Variants in NCALD observed in about 807,000 individuals in gnomAD.
NCALD encodes the protein neurocalcin-delta.
In NCALD, 10 loss-of-function variants were observed where a neutral mutation model predicts 18.6. The ratio of observed to expected loss-of-function variants is 0.54; its 90% CI spans 0.33 to 0.91. The LOEUF is 0.91. Among genes scored for constraint, NCALD ranks in the 40% least tolerant of loss-of-function variants. The pLI is 0.03. For synonymous variants in NCALD, 88 were observed against 87.4 expected (o/e 1.01, Z -0.04); for missense variants, 184 against 247.6 (o/e 0.74, Z 1.72).
intron 4 of NCALD, among the ~76,000 whole-genome samples, chr8:101,809,610 G>C (rs1477353774): frequency 3.3e-5 from 5 of 152,168 alleles, no homozygotes; most frequent in Admixed American, 6.5e-5. Flanking sequence ...GCAGTGGCAT[G>C]ATCTCAGTTC....
At chr8:101,752,124 G>T (rs1190399391) in intron 1 of NCALD, among the ~76,000 whole-genome samples, 1 of 151,812 alleles carries the variant, frequency 6.6e-6, no homozygotes, top group Admixed American at 6.6e-5. Flanking sequence ...TCATTTTCTT[G>T]GTCTTCTAAA....
intron 4 of NCALD, among the ~76,000 whole-genome samples, chr8:101,845,591 TG>T (rs1297820543): frequency 1.3e-5 from 2 of 152,220 alleles, no homozygotes; most frequent in Non-Finnish European, 2.9e-5. Flanking sequence ...GGTAATATTT[TG>T]ATACAGGCAT....
chr8:101,819,032 C>G (rs1001938919), intron 4 of NCALD, among the ~76,000 whole-genome samples: 4 of 151,882 alleles, frequency 2.6e-5, no homozygotes, highest in Non-Finnish European at 1.5e-5. Flanking sequence ...TAAAAATAAG[C>G]ATCTTTATAC....
At chr8:101,780,229 G>T (rs1811955819) in intron 1 of NCALD, among the ~76,000 whole-genome samples, 1 of 152,136 alleles carries the variant, frequency 6.6e-6, no homozygotes, top group South Asian at 2.1e-4. Context: ...AGGTTGAATG[G>T]CTGGTTAGTT....
At chr8:101,967,680 G>A (rs1295384028) in intron 2 of NCALD, among the ~76,000 whole-genome samples, 2 of 152,096 alleles carry the variant, frequency 1.3e-5, no homozygotes, top group East Asian at 3.9e-4. Flanking sequence ...GGTTATCAAT[G>A]CCAGCAAGAG....
chr8:102,080,406 A>C (rs935869450), intron 1 of NCALD, among the ~76,000 whole-genome samples: 2 of 152,196 alleles, frequency 1.3e-5, no homozygotes, highest in Admixed American at 1.3e-4. Context: ...AGATAGCACA[A>C]AGGGAGCGGG....
intron 1 of NCALD, among the ~76,000 whole-genome samples, chr8:101,776,640 G>C (rs1441901821): frequency 1.3e-5 from 2 of 152,052 alleles, no homozygotes; most frequent in Non-Finnish European, 2.9e-5. Context: ...CAGGCAACAG[G>C]GGCCCAAGGA....
intron 1 of NCALD, among the ~76,000 whole-genome samples, chr8:101,754,440 T>A (rs370294526): frequency 1.3e-5 from 2 of 152,134 alleles, no homozygotes; most frequent in Non-Finnish European, 2.9e-5. Context: ...AAGTCCAAGA[T>A]GAAGGTGGCA....
chr8:101,959,059 A>C (rs550780105), intron 2 of NCALD, among the ~76,000 whole-genome samples: 2 of 152,142 alleles, frequency 1.3e-5, no homozygotes, highest in Non-Finnish European at 2.9e-5. Flanking sequence ...GACCCCATTT[A>C]TGTTCATCCA....
rs1334560860 is a variant in NCALD at position 101,689,477 on chromosome 8, C to T, written c.485-71G>A. On this transcript the variant is annotated intron_variant, in intron 3 of 3. Coordinates refer to ENST00000220931, the MANE Select transcript of NCALD (RefSeq NM_032041.3). The surrounding 1 kb of genome is among the most constrained non-coding windows in gnomAD (Gnocchi z 4.4). ...TGAGCTTACACCCTTCCCACTACTG[C>T]GTGCTGGGCAGTGTCGATTCACCTG... 34 of 1,213,766 alleles carry T rather than the reference C, an allele frequency of 2.8e-5. 1 individual carries two copies. The highest frequency in any genetic ancestry group is 6.0e-5 in the African/African-American group (4 of 66,424). 75.2% of individuals were successfully genotyped at this position (1,213,766 alleles called of 1,614,324 possible). A position where few individuals can be genotyped will look rare whatever the true frequency, so the allele number is the denominator to read the frequency against.
chr8:101,875,954 A>C (rs1452528055), intron 4 of NCALD, among the ~76,000 whole-genome samples: 1 of 152,208 alleles, frequency 6.6e-6, no homozygotes. Context: ...TATTGTTTTT[A>C]TGAGAGAAGC....
At chr8:102,005,095 C>T (rs1040189450) in intron 2 of NCALD, among the ~76,000 whole-genome samples, 1 of 152,090 alleles carries the variant, frequency 6.6e-6, no homozygotes, top group East Asian at 1.9e-4. Flanking sequence ...GAACAGGCAA[C>T]CTACAAAATG....
chr8:101,787,669 G>A (rs967158813), intron 1 of NCALD, among the ~76,000 whole-genome samples: 6 of 152,026 alleles, frequency 3.9e-5, no homozygotes, highest in African/African-American at 1.4e-4. Context: ...CCCCTGTATT[G>A]GTCTTAAATA....
intron 1 of NCALD, among the ~76,000 whole-genome samples, chr8:101,774,948 T>G (rs1387781410): frequency 2.0e-5 from 3 of 152,146 alleles, no homozygotes; most frequent in Non-Finnish European, 4.4e-5. Flanking sequence ...GCCTCAATCT[T>G]TTGGGCAGCC....
intron 1 of NCALD, among the ~76,000 whole-genome samples, chr8:101,733,983 T>C (rs961333618): frequency 6.6e-6 from 1 of 152,204 alleles, no homozygotes; most frequent in African/African-American, 2.4e-5. Flanking sequence ...TGTATACAGA[T>C]CCCACGAGCC....
intron 2 of NCALD, among the ~76,000 whole-genome samples, chr8:102,010,632 C>T (rs1345268276): frequency 6.6e-6 from 1 of 152,118 alleles, no homozygotes; most frequent in East Asian, 1.9e-4. Context: ...GCCTGAAAAA[C>T]CAGGAAGAGT....
At chr8:101,691,680 G>A in intron 3 of NCALD, 1 of 985,364 alleles carries the variant, frequency 1.0e-6, no homozygotes, top group Non-Finnish European at 1.2e-6. Context: ...TTTCCAAATG[G>A]AATGGCACCT....
At chr8:101,723,035 A>G (rs1353126124) in intron 1 of NCALD, among the ~76,000 whole-genome samples, 1 of 152,186 alleles carries the variant, frequency 6.6e-6, no homozygotes, top group East Asian at 1.9e-4. Context: ...AAGCCTGACA[A>G]TACCTTTTTC....
chr8:101,921,982 T>C (rs1418159977), intron 2 of NCALD, among the ~76,000 whole-genome samples: 1 of 151,926 alleles, frequency 6.6e-6, no homozygotes, highest in Non-Finnish European at 1.5e-5. Flanking sequence ...CTCCCTCTAT[T>C]GCCCAGGCTG....
Sources: allele counts gnomAD v4.1 joint callset (sites outside exome capture counted in the v4.1 genomes callset), GRCh38; gene constraint gnomAD v4.1.1; non-coding constraint Gnocchi (gnomAD v3.1); transcripts MANE v1.5; gene names NCBI Gene and HGNC (gene_info 2026-07-23, HGNC 2026-07-21).